Variants in MYO9B observed in about 807,000 individuals in gnomAD.
MYO9B encodes the protein unconventional myosin-IXb.
Under a neutral mutation model 229.5 loss-of-function variants are expected in MYO9B, and 71 were observed. That is an observed-to-expected ratio of 0.31 (90% confidence interval 0.26 to 0.38). The LOEUF is 0.38. Ranked by LOEUF, MYO9B falls within the 10% of genes least tolerant of loss-of-function variation. The pLI, the probability that MYO9B is intolerant of heterozygous loss-of-function variation, is 1.00. For missense variants in MYO9B, 2,255 were observed against 2,920.5 expected (o/e 0.77, Z 5.25); for synonymous variants, 1,185 against 1,235.8 (o/e 0.96, Z 0.86).
intron 22 of MYO9B, among the ~76,000 whole-genome samples, chr19:17,196,143 TGG>T (rs1213634439): frequency 1.1e-3 from 4 of 3,480 alleles, no homozygotes; most frequent in South Asian, 0.012. Context: ...GAAGGATGTG[TGG>T]GTGGGTGGGT....
At chr19:17,088,073 C>T (rs1385049688) in intron 1 of MYO9B, among the ~76,000 whole-genome samples, 1 of 152,150 alleles carries the variant, frequency 6.6e-6, no homozygotes, top group Non-Finnish European at 1.5e-5. Flanking sequence ...GCACTCCAGC[C>T]TGGGCAACAG....
intron 2 of MYO9B, among the ~76,000 whole-genome samples, chr19:17,110,673 G>A (rs2057839062): frequency 6.6e-6 from 1 of 152,112 alleles, no homozygotes; most frequent in Admixed American, 6.6e-5. Flanking sequence ...TCAGGCTGTT[G>A]TCCCAAGGGT....
At chr19:17,138,171 A>C (rs1485411436) in intron 2 of MYO9B, among the ~76,000 whole-genome samples, 1 of 151,716 alleles carries the variant, frequency 6.6e-6, no homozygotes, top group Non-Finnish European at 1.5e-5. Flanking sequence ...TGATCTTGTG[A>C]TAGTTTGGTG....
At chr19:17,183,993 G>GA (rs151332258) in intron 16 of MYO9B, 125 bp downstream of exon 16, 12,396 of 841,272 alleles carry the variant, frequency 0.015, 31 homozygotes, top group Non-Finnish European at 0.018. Flanking sequence ...CTCCCTCCAA[G>GA]AAAAAAAAAA....
At chr19:17,153,070 A>T (rs1390319928) in intron 4 of MYO9B, among the ~76,000 whole-genome samples, 1 of 152,130 alleles carries the variant, frequency 6.6e-6, no homozygotes, top group Non-Finnish European at 1.5e-5. Context: ...TGAGCCCGGG[A>T]GGTTGAGGCT....
At chr19:17,153,927 C>T (rs1247296517) in intron 4 of MYO9B, 40 bp from the exon 5 acceptor site, 13 of 1,523,966 alleles carry the variant, frequency 8.5e-6, no homozygotes, top group Non-Finnish European at 1.2e-5. Flanking sequence ...ATTACTTGGC[C>T]TCCAAAAACA....
At chr19:17,169,479 C>CTGGTTAAAAATTTTTTTGTAG (rs2072697708) in intron 11 of MYO9B, among the ~76,000 whole-genome samples, 1 of 151,924 alleles carries the variant, frequency 6.6e-6, no homozygotes, top group Non-Finnish European at 1.5e-5. Context: ...ATTAGCCAGG[C>CTGGTTAAAAATTTTTTTGTAG]ATGGTGGCGG....
intron 13 of MYO9B, among the ~76,000 whole-genome samples, chr19:17,174,895 C>G (rs2072767051): frequency 6.6e-6 from 1 of 151,284 alleles, no homozygotes; most frequent in Admixed American, 6.6e-5. Flanking sequence ...GATCGCGCCA[C>G]TGCACTCCAG....
At chr19:17,086,136 G>C (rs1039602440) in intron 1 of MYO9B, among the ~76,000 whole-genome samples, 2 of 152,166 alleles carry the variant, frequency 1.3e-5, no homozygotes, top group Non-Finnish European at 1.5e-5. Flanking sequence ...TGTCCCTCTG[G>C]TCCTGGTGCC....
At chr19:17,208,776 C>T (rs1435820176) in intron 35 of MYO9B, among the ~76,000 whole-genome samples, 3 of 152,152 alleles carry the variant, frequency 2.0e-5, no homozygotes, top group African/African-American at 4.8e-5. Context: ...CGTCCTGTCA[C>T]GGGAGGATAA....
At chr19:17,183,570 T>C (rs1418242194) in intron 15 of MYO9B, among the ~76,000 whole-genome samples, 1 of 152,182 alleles carries the variant, frequency 6.6e-6, no homozygotes, top group Non-Finnish European at 1.5e-5. Flanking sequence ...CTAAACACTT[T>C]ACTCAGCTTT....
At position 17,201,916 on chromosome 19, in the gene MYO9B, C is replaced by A; in HGVS notation, c.4564-10C>A. 1 of 1,607,782 alleles carries A rather than the reference C, an allele frequency of 6.2e-7. No homozygotes were observed. The highest frequency in any genetic ancestry group is 8.5e-7 in the Non-Finnish European group (1 of 1,175,886). On this transcript the variant is annotated splice_polypyrimidine_tract_variant and intron_variant, in intron 26 of 39. Transcript: ENST00000682292. ...TGAGGCACGCAGGGTCAGTTCCTCT[C>A]CCCTTCCAGATAAATGACCTCCGTT...
intron 2 of MYO9B, among the ~76,000 whole-genome samples, chr19:17,134,992 G>T (rs2072251646): frequency 6.6e-6 from 1 of 151,952 alleles, no homozygotes; most frequent in Non-Finnish European, 1.5e-5. Flanking sequence ...TCGAACTCCT[G>T]ACCTCAAGTG....
chr19:17,108,538 A>G (rs1335174513), intron 2 of MYO9B, among the ~76,000 whole-genome samples: 3 of 151,988 alleles, frequency 2.0e-5, no homozygotes, highest in Non-Finnish European at 4.4e-5. Context: ...CATTTCATTG[A>G]TTAGAGAGGT....
chr19:17,169,529 G>A (rs1374786940), intron 11 of MYO9B, among the ~76,000 whole-genome samples: 1 of 151,846 alleles, frequency 6.6e-6, no homozygotes, highest in African/African-American at 2.4e-5. Flanking sequence ...TGAGGCAGGA[G>A]AATTGTTTGA....
chr19:17,207,085 C>G, intron 34 of MYO9B, 28 bp from the exon 35 acceptor site: 1 of 1,609,112 alleles, frequency 6.2e-7, no homozygotes, highest in Non-Finnish European at 8.5e-7. Context: ...CGGCCCTAGC[C>G]ATCCTCTAAC....
Position 17,163,052 on chromosome 19 carries a change from A to T in MYO9B, c.1601A>T (p.Gln534Leu). Residue 534 changes from glutamine (Q) to leucine (L), a missense_variant, in exon 10 of 40, where the codon CAG (glutamine) becomes CTG (leucine). Physicochemically the swap from Gln to Leu is moderately radical, Grantham distance 113. Transcript: ENST00000682292. The part of the protein sequence containing the change: ...FEDFERNSFE[Q>L]FCINYANEQL... The stretch of plus-strand genomic sequence containing the variant: ...GACTTCGAGAGGAACAGCTTTGAGC[A>T]GTTCTGCATCAACTACGCCAATGAG... 6.3e-7 allele frequency: 1 copy of T among 1,599,716 alleles called. No homozygotes were observed. The highest frequency in any genetic ancestry group is 8.5e-7 in the Non-Finnish European group (1 of 1,172,962).
intron 14 of MYO9B, 41 bp downstream of exon 14, chr19:17,175,782 TGGC>T: frequency 7.2e-7 from 1 of 1,392,902 alleles, no homozygotes; most frequent in Non-Finnish European, 9.9e-7. Context: ...AATCATTAGG[TGGC>T]AGCAGCATTG....
chr19:17,109,256 G>A (rs2057824392), intron 2 of MYO9B, among the ~76,000 whole-genome samples: 1 of 151,566 alleles, frequency 6.6e-6, no homozygotes, highest in Non-Finnish European at 1.5e-5. Context: ...TAGTAGAGAT[G>A]GGGTTTCACC....
Sources: allele counts gnomAD v4.1 joint callset (sites outside exome capture counted in the v4.1 genomes callset), GRCh38; gene constraint gnomAD v4.1.1; transcripts MANE v1.5; gene names NCBI Gene and HGNC (gene_info 2026-07-23, HGNC 2026-07-21).